The following MCTP1 variants were observed in gnomAD, a reference collection of about 807,000 sequenced individuals.
MCTP1 encodes multiple C2 and transmembrane domain-containing protein 1.
A neutral mutation model predicts 120.6 loss-of-function variants in MCTP1; 69 were observed. The observed-to-expected ratio is 0.57, with a 90% confidence interval of 0.47 to 0.70. The LOEUF is 0.70. Among genes scored for constraint, MCTP1 ranks in the 30% least tolerant of loss-of-function variants. MCTP1 has a pLI of 0.00. For missense variants in MCTP1, 1,203 were observed against 1,248.8 expected (o/e 0.96, Z 0.55); for synonymous variants, 529 against 493.1 (o/e 1.07, Z -0.96).
intron 1 of MCTP1, among the ~76,000 whole-genome samples, chr5:95,247,987 A>C (rs1213402284): frequency 6.6e-6 from 1 of 152,128 alleles, no homozygotes; most frequent in Non-Finnish European, 1.5e-5. Context: ...AACAGCTAAA[A>C]ACTCTCAATA....
chr5:95,096,277 A>T (rs1218935755), intron 1 of MCTP1, among the ~76,000 whole-genome samples: 1 of 152,246 alleles, frequency 6.6e-6, no homozygotes, highest in Non-Finnish European at 1.5e-5. Flanking sequence ...TGACCCCATT[A>T]TATTTGGTGC....
chr5:94,980,116 C>G (rs1356161315), intron 2 of MCTP1, among the ~76,000 whole-genome samples: 3 of 151,918 alleles, frequency 2.0e-5, no homozygotes, highest in African/African-American at 7.3e-5. Context: ...ATAAAATTAC[C>G]CTTACCATTT....
chr5:94,979,109 T>A (rs981001690), intron 2 of MCTP1: 7 of 152,122 alleles, frequency 4.6e-5, no homozygotes, highest in African/African-American at 1.7e-4. Flanking sequence ...AGGGGCCAGT[T>A]GCCACGGAGA....
At chr5:94,739,766 G>A (rs911271323) in intron 19 of MCTP1, among the ~76,000 whole-genome samples, 36 of 152,180 alleles carry the variant, frequency 2.4e-4, no homozygotes, top group Admixed American at 2.1e-3. Flanking sequence ...CCAGGTTCAA[G>A]CAATTTTCCT....
intron 1 of MCTP1, among the ~76,000 whole-genome samples, chr5:95,111,134 GCCT>G (rs1238424480): frequency 2.0e-5 from 3 of 152,124 alleles, no homozygotes; most frequent in Non-Finnish European, 4.4e-5. Flanking sequence ...ATAAAGTTGT[GCCT>G]CCTTTTTGAT....
intron 1 of MCTP1, among the ~76,000 whole-genome samples, chr5:95,260,853 A>G (rs770745896): frequency 5.9e-5 from 9 of 152,192 alleles, no homozygotes; most frequent in Non-Finnish European, 8.8e-5. Flanking sequence ...GCATTCCTCT[A>G]TTATTGGAAA....
rs529809697 is a variant in MCTP1 at position 94,942,894 on chromosome 5, T to C, written c.982-467A>G. On this transcript the variant is annotated intron_variant, in intron 3 of 22. Coordinates refer to ENST00000515393, the MANE Select transcript of MCTP1 (RefSeq NM_024717.7). ...ATGATTAACCTACTTTATAAAGTTA[T>C]ACTAAGGTTAAGTTAAAATAAAGTT... 1.2e-4 allele frequency among the ~76,000 whole-genome samples: 19 copies of C among 152,228 alleles called. No individual in the cohort carries two copies. In the South Asian group the frequency reaches 3.7e-3, roughly 30 times the overall value.
chr5:94,743,488 C>A (rs778559390), intron 19 of MCTP1, among the ~76,000 whole-genome samples: 1 of 152,184 alleles, frequency 6.6e-6, no homozygotes, highest in African/African-American at 2.4e-5. Flanking sequence ...AGCTATCCGA[C>A]ACAAACGGAA....
rs552146019 is a variant in MCTP1, at chr5:94,872,747, G to A, written c.2036+392C>T. 2.4e-4 allele frequency among the ~76,000 whole-genome samples: 37 copies of A among 152,180 alleles called. 2 individuals carry two copies. In the South Asian group the frequency reaches 6.6e-3, roughly 27 times the overall value. ...CAAAACTAAAGCATCTGCCGAATTC[G>A]AGACTGGATTGTTTGCTGATTTCAG... On this transcript the variant is annotated intron_variant, in intron 13 of 22. Transcript: ENST00000515393.
intron 6 of MCTP1, among the ~76,000 whole-genome samples, chr5:94,927,352 T>C (rs140372100): frequency 6.6e-6 from 1 of 152,196 alleles, no homozygotes; most frequent in African/African-American, 2.4e-5. Context: ...TTTTATAACA[T>C]TTCCAAATAA....
At chr5:95,191,365 C>G (rs1317725741) in intron 1 of MCTP1, among the ~76,000 whole-genome samples, 2 of 151,868 alleles carry the variant, frequency 1.3e-5, no homozygotes, top group South Asian at 2.1e-4. Flanking sequence ...TCGAAGTGCC[C>G]CTAGGTTTCA....
chr5:95,075,969 A>G (rs1753444940), intron 1 of MCTP1, among the ~76,000 whole-genome samples: 1 of 152,212 alleles, frequency 6.6e-6, no homozygotes, highest in Non-Finnish European at 1.5e-5. Context: ...CTTTGCAGCT[A>G]TTTACACATT....
chr5:94,705,802 TAAC>T lies in MCTP1; in HGVS notation c.*1691_*1693del, dbSNP rs1281362771. 6.6e-6 allele frequency: 1 copy of T among 151,660 alleles called. No individual in the cohort carries two copies. The highest frequency in any genetic ancestry group is 1.5e-5 in the Non-Finnish European group (1 of 67,728). The allele number at this position is 151,660 out of a possible 1,614,324, so 9.4% of individuals were successfully genotyped here. A position where few individuals can be genotyped will look rare whatever the true frequency, so the allele number is the denominator to read the frequency against. On this transcript the variant is annotated 3_prime_UTR_variant, in exon 23 of 23. Transcript: ENST00000515393. ...TATCTCATCAATAAACTTTCTGTAGTAACATCATGTTCATGGAACATTATGTTT... is the reference window on the plus strand; with the variant it reads ...TATCTCATCAATAAACTTTCTGTAGTATCATGTTCATGGAACATTATGTTT...
At chr5:95,133,032 A>T (rs1183607115) in intron 1 of MCTP1, among the ~76,000 whole-genome samples, 3 of 152,214 alleles carry the variant, frequency 2.0e-5, no homozygotes, top group Admixed American at 2.0e-4. Flanking sequence ...TAACCTGAAG[A>T]ACTCATAAAA....
intron 1 of MCTP1, among the ~76,000 whole-genome samples, chr5:95,267,843 C>T (rs781660837): frequency 2.0e-5 from 3 of 152,252 alleles, no homozygotes; most frequent in African/African-American, 7.2e-5. Flanking sequence ...TCCCCCAACA[C>T]ACACACACCT....
intron 1 of MCTP1, among the ~76,000 whole-genome samples, chr5:95,214,524 C>A (rs1582556216): frequency 6.6e-6 from 1 of 152,046 alleles, no homozygotes; most frequent in East Asian, 1.9e-4. Context: ...GGTATATACC[C>A]AAAGGATTAT....
intron 6 of MCTP1, among the ~76,000 whole-genome samples, chr5:94,928,008 T>C (rs932272708): frequency 2.0e-5 from 3 of 152,134 alleles, no homozygotes; most frequent in African/African-American, 7.2e-5. Context: ...CACAGTAGTC[T>C]GTATTATATT....
At chr5:94,886,703 C>G (rs40590) in intron 12 of MCTP1, among the ~76,000 whole-genome samples, 63,859 of 151,902 alleles carry the variant, frequency 0.42, 14,654 homozygotes, top group Non-Finnish European at 0.53. Flanking sequence ...TCAATTGCCT[C>G]TTTTCAAACT....
intron 17 of MCTP1, among the ~76,000 whole-genome samples, chr5:94,848,128 G>A (rs1350949247): frequency 6.6e-6 from 1 of 151,916 alleles, no homozygotes; most frequent in Non-Finnish European, 1.5e-5. Context: ...AAAAAATAAT[G>A]ATCTAAAACT....
Sources: allele counts gnomAD v4.1 joint callset (sites outside exome capture counted in the v4.1 genomes callset), GRCh38; gene constraint gnomAD v4.1.1; transcripts MANE v1.5; gene names NCBI Gene and HGNC (gene_info 2026-07-23, HGNC 2026-07-21).